The following TDRD5 variants were observed in gnomAD, a reference collection of about 807,000 sequenced individuals.
TDRD5 encodes tudor domain-containing protein 5.
In TDRD5, 41 loss-of-function variants were observed where a neutral mutation model predicts 120.6. The observed-to-expected ratio is 0.34, with a 90% CI of 0.26 to 0.44. The LOEUF (loss-of-function observed/expected upper bound fraction) is 0.44, where lower values mean the gene tolerates loss of function less well. Ranked by LOEUF, TDRD5 falls within the 20% of genes least tolerant of loss-of-function variation. The pLI is 1.00. For synonymous variants in TDRD5, 430 were observed against 433.7 expected (o/e 0.99, Z 0.11); for missense variants, 1,006 against 1,221.2 (o/e 0.82, Z 2.63).
At chr1:179,634,983 C>T (rs1677686014) in intron 8 of TDRD5, among the ~76,000 whole-genome samples, 1 of 152,158 alleles carries the variant, frequency 6.6e-6, no homozygotes, top group Admixed American at 6.5e-5. Context: ...TACACTCATC[C>T]TCAATTATAG....
chr1:179,676,199 T>A (rs1487372125), intron 17 of TDRD5, among the ~76,000 whole-genome samples: 1 of 152,228 alleles, frequency 6.6e-6, no homozygotes, highest in Non-Finnish European at 1.5e-5. Flanking sequence ...TTCATTTGCA[T>A]GGAATATCTT....
chr1:179,679,198 A>C (rs1680302177), intron 17 of TDRD5, among the ~76,000 whole-genome samples: 1 of 152,068 alleles, frequency 6.6e-6, no homozygotes, highest in Non-Finnish European at 1.5e-5. Flanking sequence ...CCAACCTTAC[A>C]TTCCTGGGAT....
chr1:179,667,729 T>C (rs1679629276), intron 16 of TDRD5, among the ~76,000 whole-genome samples: 2 of 152,218 alleles, frequency 1.3e-5, no homozygotes, highest in Non-Finnish European at 2.9e-5. Flanking sequence ...TTTCCTGAAA[T>C]AACATCTTGT....
In TDRD5 at chr1:179,675,834, G is replaced by A. The variant is rs140560110; in HGVS notation, c.2860+6430G>A. On this transcript the variant is annotated intron_variant, in intron 17 of 17. Transcript: ENST00000444136. ...TGTTGATGAATAGAATATATATTCTGCATTTTGTGGGGTAGAATGTTCTAT... is the reference window on the plus strand; with the variant it reads ...TGTTGATGAATAGAATATATATTCTACATTTTGTGGGGTAGAATGTTCTAT... 6.8e-3 allele frequency among the ~76,000 whole-genome samples: 1,032 copies of A among 152,212 alleles called. 13 individuals are homozygous for A. The highest frequency in any genetic ancestry group is 0.01 in the Non-Finnish European group (688 of 68,014).
intron 17 of TDRD5, among the ~76,000 whole-genome samples, chr1:179,688,039 T>G (rs1680843317): frequency 6.6e-6 from 1 of 152,334 alleles, no homozygotes. Flanking sequence ...ATTTAGCCCA[T>G]TTACATTTAA....
chr1:179,644,947 T>TG (rs1413653728), intron 11 of TDRD5, among the ~76,000 whole-genome samples: 2 of 152,038 alleles, frequency 1.3e-5, no homozygotes, highest in Non-Finnish European at 2.9e-5. Context: ...AACCTTTAGG[T>TG]GGATCTCATA....
intron 6 of TDRD5, among the ~76,000 whole-genome samples, chr1:179,626,904 A>G (rs555454295): frequency 5.3e-4 from 80 of 152,326 alleles, no homozygotes; most frequent in African/African-American, 1.9e-3. Context: ...CCTTACTGAA[A>G]TGGAAGATTT....
At chr1:179,685,114 T>G (rs1473473211) in intron 17 of TDRD5, among the ~76,000 whole-genome samples, 1 of 152,240 alleles carries the variant, frequency 6.6e-6, no homozygotes, top group Non-Finnish European at 1.5e-5. Flanking sequence ...ATGAAGTCCT[T>G]GCCCATGCCT....
At chr1:179,638,086 G>A (rs547897666) in intron 9 of TDRD5, among the ~76,000 whole-genome samples, 11 of 152,316 alleles carry the variant, frequency 7.2e-5, no homozygotes, top group South Asian at 6.2e-4. Context: ...CAGGAGTCAG[G>A]AAGGGGGAGA....
At chr1:179,678,277 G>A (rs574527398) in intron 17 of TDRD5, among the ~76,000 whole-genome samples, 93 of 152,280 alleles carry the variant, frequency 6.1e-4, no homozygotes, top group African/African-American at 2.1e-3. Context: ...CAACAGCACC[G>A]AGTCTATTTC....
At chr1:179,648,449 G>T (rs1678517807) in intron 11 of TDRD5, among the ~76,000 whole-genome samples, 2 of 81,356 alleles carry the variant, frequency 2.5e-5, no homozygotes, top group African/African-American at 8.8e-5. Context: ...GACTGTTGTG[G>T]GGTGGGGGGG....
At chr1:179,689,663 G>A (rs187216913) in intron 17 of TDRD5, among the ~76,000 whole-genome samples, 1 of 152,318 alleles carries the variant, frequency 6.6e-6, no homozygotes, top group Admixed American at 6.5e-5. Context: ...GGAGTCTACA[G>A]AGGCAGGCAG....
rs1008219881 is a variant in TDRD5 at position 179,691,091 on chromosome 1, C to G, written c.*148C>G. ...GTGACTATATGTTAGCTTTATTATG[C>G]TAACAGTCTACTTTGATGTGTAAGT... On this transcript the variant is annotated 3_prime_UTR_variant, in exon 18 of 18. Coordinates refer to ENST00000444136, the MANE Select transcript of TDRD5 (RefSeq NM_001199085.3). The G allele has an allele frequency of 1.2e-5, 12 of 1,038,136 alleles. No homozygotes were observed. Among genetic ancestry groups the G allele is most frequent in the Admixed American group, 6.0e-5 (2 of 33,058 alleles). The allele number at this position is 1,038,136 out of a possible 1,614,324, so 64.3% of individuals were successfully genotyped here.
chr1:179,668,900 G>A (rs1265572217), intron 16 of TDRD5, among the ~76,000 whole-genome samples: 1 of 151,696 alleles, frequency 6.6e-6, no homozygotes, highest in Non-Finnish European at 1.5e-5. Flanking sequence ...CTGCCACCAC[G>A]CCCAGCTAAT....
At chr1:179,628,988 G>C (rs1221641976) in intron 6 of TDRD5, among the ~76,000 whole-genome samples, 1 of 152,024 alleles carries the variant, frequency 6.6e-6, no homozygotes, top group African/African-American at 2.4e-5. Context: ...AATAGTTCCT[G>C]ATTAAACTCA....
At chr1:179,644,652 C>T (rs1477112310) in intron 11 of TDRD5, among the ~76,000 whole-genome samples, 1 of 151,830 alleles carries the variant, frequency 6.6e-6, no homozygotes, top group Non-Finnish European at 1.5e-5. Flanking sequence ...GTAAATTGCC[C>T]ATAATTTTTT....
intron 16 of TDRD5, 127 bp from the exon 17 acceptor site, chr1:179,669,067 T>C (rs150097936): frequency 1.1e-6 from 1 of 930,116 alleles, no homozygotes; most frequent in East Asian, 2.7e-5. Context: ...TTCTTGAAAG[T>C]GAGTAGTTTT....
chr1:179,610,995 T>C (rs971368994), intron 4 of TDRD5, among the ~76,000 whole-genome samples: 1 of 152,152 alleles, frequency 6.6e-6, no homozygotes, highest in South Asian at 2.1e-4. Flanking sequence ...ATTGCAGATA[T>C]TTAGTTTTCT....
At chr1:179,661,379 G>GTT (rs144602028) in intron 14 of TDRD5, among the ~76,000 whole-genome samples, 62 of 150,444 alleles carry the variant, frequency 4.1e-4, no homozygotes, top group East Asian at 9.8e-4. Flanking sequence ...TTGTTTGGTT[G>GTT]TTTTTTTTGT....
Sources: gnomAD v4.1 joint callset for allele counts (sites outside exome capture counted in the v4.1 genomes callset) on GRCh38, gnomAD v4.1.1 for gene constraint, MANE v1.5 for transcripts, NCBI Gene and HGNC (gene_info 2026-07-23, HGNC 2026-07-21) for gene names.